CMIP: variants seen among roughly 807,000 people sequenced by gnomAD.
CMIP encodes c-Maf inducing protein.
A neutral mutation model predicts 97.3 loss-of-function variants in CMIP; 13 were observed. That is an observed-to-expected ratio of 0.13 (90% CI 0.09 to 0.21). CMIP has a LOEUF of 0.21. Among genes scored for constraint, CMIP ranks in the 10% least tolerant of loss-of-function variants. The pLI is 1.00. For missense variants in CMIP, 847 were observed against 1,024.9 expected, an observed-to-expected ratio of 0.83 and a Z score of 2.37; for synonymous variants, 538 against 436.3, an observed-to-expected ratio of 1.23 and a Z score of -2.91.
intron 1 of CMIP, among the ~76,000 whole-genome samples, chr16:81,598,923 C>G (rs2091609124): frequency 1.5e-5 from 2 of 134,032 alleles, no homozygotes; most frequent in African/African-American, 5.8e-5. Flanking sequence ...GGGCCAAGAT[C>G]ATGCCAGTGT....
chr16:81,593,887 C>T (rs2091504987), intron 1 of CMIP, among the ~76,000 whole-genome samples: 1 of 152,150 alleles, frequency 6.6e-6, no homozygotes, highest in South Asian at 2.1e-4. Flanking sequence ...CAGGTGCTCT[C>T]TGCAAACACC....
At chr16:81,691,700 C>T in intron 10 of CMIP, 75 bp from the exon 11 acceptor site, 1 of 1,252,700 alleles carries the variant, frequency 8.0e-7, no homozygotes, top group Non-Finnish European at 1.2e-6. Context: ...TCTTTTGGCC[C>T]ATCTGGGACC....
intron 2 of CMIP, among the ~76,000 whole-genome samples, chr16:81,609,319 C>G (rs572043353): frequency 6.6e-6 from 1 of 152,322 alleles, no homozygotes; most frequent in East Asian, 1.9e-4. Context: ...TCCTTCTTGC[C>G]CATCCGATGG....
chr16:81,515,094 C>T (rs1198286202), intron 1 of CMIP, among the ~76,000 whole-genome samples: 1 of 152,250 alleles, frequency 6.6e-6, no homozygotes, highest in African/African-American at 2.4e-5. Context: ...CCTGTCCTGG[C>T]AGGAGTGCCC....
intron 1 of CMIP, among the ~76,000 whole-genome samples, chr16:81,465,085 A>AT (rs1907122119): frequency 6.6e-6 from 1 of 152,074 alleles, no homozygotes; most frequent in African/African-American, 2.4e-5. Flanking sequence ...GCGGACATTT[A>AT]TTTTTTAAAG....
chr16:81,611,011 G>A (rs2091822848), intron 2 of CMIP, among the ~76,000 whole-genome samples: 1 of 152,172 alleles, frequency 6.6e-6, no homozygotes, highest in Admixed American at 6.5e-5. Flanking sequence ...CATTACCTTA[G>A]TGCTCCTAGT....
At chr16:81,454,258 C>T (rs1326924342) in intron 1 of CMIP, among the ~76,000 whole-genome samples, 1 of 152,118 alleles carries the variant, frequency 6.6e-6, no homozygotes, top group Non-Finnish European at 1.5e-5. Flanking sequence ...TCACAACAAT[C>T]CTGTGGGGTA....
intron 1 of CMIP, among the ~76,000 whole-genome samples, chr16:81,474,329 C>T (rs1426052166): frequency 6.6e-6 from 1 of 152,082 alleles, no homozygotes; most frequent in African/African-American, 2.4e-5. Context: ...TCTTCTCTTT[C>T]CCCCTTCTTT....
intron 1 of CMIP, among the ~76,000 whole-genome samples, chr16:81,530,522 C>T (rs1489895192): frequency 6.6e-6 from 1 of 152,078 alleles, no homozygotes; most frequent in East Asian, 1.9e-4. Flanking sequence ...ACTCACCTGG[C>T]ACCCCTGGCA....
chr16:81,678,640 C>CCT lies in CMIP; in HGVS notation c.1388+13_1388+14insTC. On this transcript the variant is annotated intron_variant, in intron 10 of 20. Transcript: ENST00000537098. ...ATCCTCAAGCTGCTGTGAGTGCCCC[C>CCT]CCCGCGTGCCCGCCCCCGGGGCCGG... is the stretch of plus-strand genomic sequence containing the variant. 1 of 1,362,396 alleles carries CCT rather than the reference C, an allele frequency of 7.3e-7. No homozygotes were observed. Among genetic ancestry groups the CCT allele is most frequent in the Non-Finnish European group, 1.0e-6 (1 of 971,518 alleles). 84.4% of individuals were successfully genotyped at this position (1,362,396 alleles called of 1,614,324 possible). A position where few individuals can be genotyped will look rare whatever the true frequency, so the allele number is the denominator to read the frequency against.
intron 7 of CMIP, among the ~76,000 whole-genome samples, chr16:81,667,799 A>AGTGTGTGTGTGT (rs71146027): frequency 1.7e-3 from 101 of 58,110 alleles, no homozygotes; most frequent in Non-Finnish European, 2.0e-3. Flanking sequence ...AGAGAGAGAG[A>AGTGTGTGTGTGT]GTGTGTGTGT....
intron 1 of CMIP, among the ~76,000 whole-genome samples, chr16:81,553,223 C>T (rs896298174): frequency 2.6e-5 from 4 of 152,186 alleles, no homozygotes; most frequent in African/African-American, 7.2e-5. Context: ...TCCCCATTCC[C>T]GCCCACTGCT....
intron 8 of CMIP, among the ~76,000 whole-genome samples, chr16:81,671,087 C>T (rs1019577130): frequency 2.6e-5 from 4 of 152,162 alleles, no homozygotes; most frequent in African/African-American, 7.2e-5. Flanking sequence ...CTTCGGCCTC[C>T]CAAAGTGCTG....
At chr16:81,472,396 G>T (rs933424501) in intron 1 of CMIP, among the ~76,000 whole-genome samples, 2 of 152,174 alleles carry the variant, frequency 1.3e-5, no homozygotes, top group Non-Finnish European at 2.9e-5. Flanking sequence ...CTTCATGGTG[G>T]CTCATCTGGC....
At chr16:81,610,382 C>T (rs1031715788) in intron 2 of CMIP, 7 of 985,612 alleles carry the variant, frequency 7.1e-6, no homozygotes, top group Non-Finnish European at 7.2e-6. Flanking sequence ...CCCCTGATCC[C>T]GTGGACAGCG....
intron 1 of CMIP, among the ~76,000 whole-genome samples, chr16:81,493,106 A>G (rs561209811): frequency 2.9e-4 from 44 of 151,868 alleles, no homozygotes; most frequent in Non-Finnish European, 5.3e-4. Context: ...GAGCTGGGAG[A>G]CCCGAGTTCC....
At chr16:81,696,306 G>A (rs1057332710) in intron 13 of CMIP, 20 of 564,414 alleles carry the variant, frequency 3.5e-5, no homozygotes, top group East Asian at 9.2e-5. Flanking sequence ...CAATCAAGCC[G>A]GGGCCTGCCC....
chr16:81,579,717 C>T (rs1000405724), intron 1 of CMIP, among the ~76,000 whole-genome samples: 1 of 122,538 alleles, frequency 8.2e-6, no homozygotes, highest in Non-Finnish European at 2.1e-5. Flanking sequence ...AGTTCTGCCA[C>T]TTAAAAAAAA....
chr16:81,518,988 C>G (rs1342629854), intron 1 of CMIP: 1 of 152,308 alleles, frequency 6.6e-6, no homozygotes, highest in Non-Finnish European at 1.5e-5. Context: ...GGCGCCCGCG[C>G]CACGCCTGGC....
Sources: allele counts gnomAD v4.1 joint callset (sites outside exome capture counted in the v4.1 genomes callset), GRCh38; gene constraint gnomAD v4.1.1; transcripts MANE v1.5; gene names NCBI Gene and HGNC (gene_info 2026-07-23, HGNC 2026-07-21).